VPS13B: variants seen among roughly 807,000 people sequenced by gnomAD.
The protein encoded by VPS13B is vacuolar protein sorting 13 homolog B.
In VPS13B, 285 loss-of-function variants were observed where a neutral mutation model predicts 426.4. The ratio of observed to expected loss-of-function variants is 0.67; its 90% CI spans 0.61 to 0.74. The LOEUF is 0.74. VPS13B is among the 30% of genes least tolerant of loss of function. The pLI, the probability that VPS13B is intolerant of heterozygous loss-of-function variation, is 0.00. For synonymous variants in VPS13B, 1,676 were observed against 1,676.4 expected, an observed-to-expected ratio of 1.00 and a Z score of 0.01; for missense variants, 4,537 against 4,782.6, an observed-to-expected ratio of 0.95 and a Z score of 1.51.
chr8:99,151,632 C>G (rs1394024716), intron 14 of VPS13B, among the ~76,000 whole-genome samples: 3 of 151,936 alleles, frequency 2.0e-5, no homozygotes, highest in African/African-American at 7.3e-5. Context: ...CTCCCGGGTT[C>G]AAGCGATTCT....
chr8:99,267,343 G>T (rs1184063008), intron 17 of VPS13B, among the ~76,000 whole-genome samples: 1 of 152,132 alleles, frequency 6.6e-6, no homozygotes, highest in African/African-American at 2.4e-5. Context: ...ATGATTTGGG[G>T]TATCTGGCAG....
chr8:99,638,926 C>T (rs2133924529), intron 33 of VPS13B, among the ~76,000 whole-genome samples: 1 of 152,268 alleles, frequency 6.6e-6, no homozygotes, highest in East Asian at 1.9e-4. Flanking sequence ...CTAGGCACTG[C>T]CCTGCTCTTC....
intron 17 of VPS13B, among the ~76,000 whole-genome samples, chr8:99,262,132 T>C (rs1696209268): frequency 6.6e-6 from 1 of 152,184 alleles, no homozygotes; most frequent in Admixed American, 6.5e-5. Context: ...AGACTTTGTG[T>C]TTTGTTCCTT....
chr8:99,380,105 A>T (rs1813712201), intron 19 of VPS13B, among the ~76,000 whole-genome samples: 1 of 152,130 alleles, frequency 6.6e-6, no homozygotes, highest in Non-Finnish European at 1.5e-5. Flanking sequence ...ATACAGTGCA[A>T]ATTAAATCTT....
intron 21 of VPS13B, among the ~76,000 whole-genome samples, chr8:99,402,172 A>G (rs940361012): frequency 1.6e-4 from 25 of 152,224 alleles, no homozygotes; most frequent in African/African-American, 5.5e-4. Context: ...ACACACTCAC[A>G]TGCAGTGAGT....
At chr8:99,550,113 G>A (rs1047463634) in intron 30 of VPS13B, among the ~76,000 whole-genome samples, 2 of 152,090 alleles carry the variant, frequency 1.3e-5, no homozygotes, top group African/African-American at 2.4e-5. Flanking sequence ...CTGACATACA[G>A]TGCCCAATAA....
At chr8:99,140,095 G>A (rs536943406) in intron 12 of VPS13B, among the ~76,000 whole-genome samples, 1 of 152,100 alleles carries the variant, frequency 6.6e-6, no homozygotes, top group East Asian at 1.9e-4. Context: ...GGCTGAGCGT[G>A]GTGGCTCATG....
intron 30 of VPS13B, among the ~76,000 whole-genome samples, chr8:99,555,152 CT>C (rs1824487559): frequency 6.6e-6 from 1 of 152,070 alleles, no homozygotes; most frequent in Non-Finnish European, 1.5e-5. Flanking sequence ...TCTCTCTTCA[CT>C]TGAATTAATT....
chr8:99,121,346 C>A lies in VPS13B; in HGVS notation c.1107C>A (p.Asn369Lys), dbSNP rs777015545. Residue 369 changes from asparagine to lysine, a missense_variant, in exon 8 of 62, where the codon AAC (asparagine) becomes AAA (lysine). Physicochemically the swap from Asn to Lys is moderately conservative, Grantham distance 94. Coordinates refer to ENST00000357162, the MANE Select transcript of VPS13B (RefSeq NM_152564.5). ...ATGGCGAGGAAGACTTTGTTGGGAA[C>A]GATCCTGCATCAACCATGCATCAAC... ...YDDGEEDFVG[N>K]DPASTMHQQK... 2.5e-6 allele frequency: 4 copies of A among 1,614,018 alleles called. No homozygotes were observed. The highest frequency in any genetic ancestry group is 3.4e-6 in the Non-Finnish European group (4 of 1,180,034).
At chr8:99,249,973 A>G (rs914589531) in intron 17 of VPS13B, among the ~76,000 whole-genome samples, 1 of 152,096 alleles carries the variant, frequency 6.6e-6, no homozygotes, top group African/African-American at 2.4e-5. Flanking sequence ...TACATTTTAC[A>G]TTTCCACCAG....
chr8:99,366,529 GT>G (rs74203765), intron 19 of VPS13B, among the ~76,000 whole-genome samples: 1,471 of 128,358 alleles, frequency 0.011, 20 homozygotes, highest in African/African-American at 0.035. Flanking sequence ...GTTTTTTTTT[GT>G]TTTTTTTTTT....
At chr8:99,046,209 G>T (rs1318644239) in intron 3 of VPS13B, among the ~76,000 whole-genome samples, 1 of 152,062 alleles carries the variant, frequency 6.6e-6, no homozygotes, top group Non-Finnish European at 1.5e-5. Flanking sequence ...TGTCATCTAT[G>T]ATTTCTTCCA....
chr8:99,816,973 G>C (rs930034601), intron 44 of VPS13B, among the ~76,000 whole-genome samples: 1 of 151,812 alleles, frequency 6.6e-6, no homozygotes, highest in Non-Finnish European at 1.5e-5. Context: ...TCAGTTACCA[G>C]AGCTAAATGA....
chr8:99,789,346 G>A (rs946753364), intron 43 of VPS13B, among the ~76,000 whole-genome samples: 1 of 152,046 alleles, frequency 6.6e-6, no homozygotes, highest in African/African-American at 2.4e-5. Flanking sequence ...CCGACTTGGG[G>A]GACAAAGAAA....
intron 22 of VPS13B, among the ~76,000 whole-genome samples, chr8:99,437,486 G>T (rs1261634871): frequency 6.6e-6 from 1 of 151,706 alleles, no homozygotes; most frequent in East Asian, 1.9e-4. Flanking sequence ...GGAAGTCCTC[G>T]GCAGGCAGAC....
intron 17 of VPS13B, among the ~76,000 whole-genome samples, chr8:99,199,751 T>C (rs1814189104): frequency 6.6e-6 from 1 of 152,160 alleles, no homozygotes; most frequent in Non-Finnish European, 1.5e-5. Context: ...ACAGTCTACT[T>C]GTACTTCAGA....
chr8:99,823,072 G>T (rs1814469715), intron 50 of VPS13B, among the ~76,000 whole-genome samples: 1 of 152,108 alleles, frequency 6.6e-6, no homozygotes, highest in Non-Finnish European at 1.5e-5. Flanking sequence ...TCTTCTCTGA[G>T]CATCAGTTCC....
intron 16 of VPS13B, among the ~76,000 whole-genome samples, chr8:99,179,270 AGTTT>A (rs913756985): frequency 2.0e-5 from 3 of 152,140 alleles, no homozygotes; most frequent in Non-Finnish European, 2.9e-5. Context: ...TCTGCAGCCA[AGTTT>A]GTTTGTTTGT....
At chr8:99,231,853 A>G (rs1816338608) in intron 17 of VPS13B, among the ~76,000 whole-genome samples, 9 of 152,204 alleles carry the variant, frequency 5.9e-5, no homozygotes, top group Admixed American at 5.9e-4. Context: ...AAAAAGAAAG[A>G]AATAATTTTG....
Sources: allele counts gnomAD v4.1 joint callset (sites outside exome capture counted in the v4.1 genomes callset), GRCh38; gene constraint gnomAD v4.1.1; transcripts MANE v1.5; gene names NCBI Gene and HGNC (gene_info 2026-07-23, HGNC 2026-07-21).